SLC24A1: variants seen among roughly 807,000 people sequenced by gnomAD.
SLC24A1 encodes solute carrier family 24 member 1, also known as sodium/potassium/calcium exchanger 1.
Under a neutral mutation model 88.1 loss-of-function variants are expected in SLC24A1, and 52 were observed. The ratio of observed to expected loss-of-function variants is 0.59; its 90% confidence interval spans 0.47 to 0.74. SLC24A1 has a LOEUF of 0.74. Among genes scored for constraint, SLC24A1 ranks in the 30% least tolerant of loss-of-function variants. The pLI is 0.00. For synonymous variants in SLC24A1, 455 were observed against 498.0 expected (o/e 0.91, Z 1.15); for missense variants, 1,173 against 1,363.3 (o/e 0.86, Z 2.20).
chr15:65,631,238 T>A (rs1417024199), intron 2 of SLC24A1, among the ~76,000 whole-genome samples: 2 of 152,194 alleles, frequency 1.3e-5, no homozygotes, highest in African/African-American at 4.8e-5. Flanking sequence ...AAATTAGATA[T>A]TCATGGTGTT....
At chr15:65,640,363 C>T (rs990268249) in intron 4 of SLC24A1, among the ~76,000 whole-genome samples, 4 of 152,126 alleles carry the variant, frequency 2.6e-5, no homozygotes, top group African/African-American at 9.7e-5. Context: ...ATGGTGGCAG[C>T]GGCTGAGATT....
chr15:65,645,831 C>T lies in SLC24A1; in HGVS notation c.2232+128C>T, dbSNP rs1415854724. On this transcript the variant is annotated intron_variant, in intron 6 of 9. Coordinates refer to ENST00000261892, the MANE Select transcript of SLC24A1 (RefSeq NM_004727.3). Reference sequence around the variant, plus strand: ...TCATTCCTCTGGGGGTAAATATTACCCTTTCTCTGAAGATCACTTGAAAAA... The same window carrying T: ...TCATTCCTCTGGGGGTAAATATTACTCTTTCTCTGAAGATCACTTGAAAAA... The T allele has an allele frequency of 9.3e-6, 6 of 642,360 alleles. No individual in the cohort carries two copies. The East Asian group carries it at 1.1e-4, about 12-fold the overall frequency. 39.8% of individuals were successfully genotyped at this position (642,360 alleles called of 1,614,324 possible). A position where few individuals can be genotyped will look rare whatever the true frequency, so the allele number is the denominator to read the frequency against.
intron 3 of SLC24A1, 42 bp downstream of exon 3, chr15:65,638,223 GT>G (rs754301743): frequency 7.4e-7 from 1 of 1,350,780 alleles, no homozygotes; most frequent in South Asian, 1.2e-5. Context: ...ACACTGCAGG[GT>G]CTCAGTGGAT....
At chr15:65,645,942 C>T (rs1358154528) in intron 6 of SLC24A1, among the ~76,000 whole-genome samples, 2 of 152,228 alleles carry the variant, frequency 1.3e-5, no homozygotes, top group African/African-American at 4.8e-5. Context: ...TGAACTGTCA[C>T]ATGCTATAAG....
Position 65,624,079 on chromosome 15 carries a change from G to A in SLC24A1, c.-2G>A. 6.3e-7 allele frequency: 1 copy of A among 1,576,222 alleles called. No individual in the cohort carries two copies. Among genetic ancestry groups the A allele is most frequent in the Non-Finnish European group, 8.6e-7 (1 of 1,163,624 alleles). On this transcript the variant is annotated 5_prime_UTR_variant, in exon 2 of 10. Transcript: ENST00000261892. ...TTCTGTAACCAGATATAACTGGCCA[G>A]CATGGGGAAATTGATCAGGATGGGG...
rs75137628 is a variant in SLC24A1 at position 65,654,707 on chromosome 15, C to CT, written c.*643dup. The stretch of plus-strand genomic sequence containing the variant: ...GCATCTGGATATATACCAGTATTTT[C>CT]TTTTTTTTTTTTTTTGAGACAGAGT... On this transcript the variant is annotated 3_prime_UTR_variant, in exon 10 of 10. Transcript: ENST00000261892. The CT allele has an allele frequency of 0.13, 135,706 of 1,044,170 alleles. 54 individuals carry two copies. The highest frequency in any genetic ancestry group is 0.14 in the Non-Finnish European group (109,917 of 798,370). 64.7% of individuals were successfully genotyped at this position (1,044,170 alleles called of 1,614,324 possible). A position where few individuals can be genotyped will look rare whatever the true frequency, so the allele number is the denominator to read the frequency against.
At chr15:65,651,023 A>G in intron 7 of SLC24A1, 81 bp downstream of exon 7, 2 of 1,172,366 alleles carry the variant, frequency 1.7e-6, no homozygotes, top group Non-Finnish European at 2.5e-6. Context: ...CTCACACTCA[A>G]GAGGAGGAAG....
Position 65,650,564 on chromosome 15 carries a change from CA to C in SLC24A1, c.2417del (p.Asn806MetfsTer16). 6.4e-7 allele frequency: 1 copy of C among 1,551,530 alleles called. No individual in the cohort carries two copies. On this transcript the variant is annotated frameshift_variant, in exon 7 of 10. Transcript: ENST00000261892. LOFTEE classifies it high-confidence loss of function. This position sits in a 1 kb window ranked among gnomAD's most constrained non-coding sequence, Gnocchi z 4.1. Reference sequence around the variant, plus strand: ...AAAATGAAGCAGAAGGAAAAGGAGACAATGAAGGTGAAGATGAGGGTGAAAT... The same window carrying C: ...AAAATGAAGCAGAAGGAAAAGGAGACATGAAGGTGAAGATGAGGGTGAAAT... ...DENEAEGKGD[N>X]EGEDEGEIHA...
chr15:65,612,316 G>A (rs2073984676), intron 1 of SLC24A1: 1 of 152,368 alleles, frequency 6.6e-6, no homozygotes, highest in Admixed American at 6.5e-5. Flanking sequence ...CCTCTAGAAG[G>A]CCTCAGGCAT....
intron 1 of SLC24A1, among the ~76,000 whole-genome samples, 178 bp from the exon 2 acceptor site, chr15:65,623,777 T>G (rs560787321): frequency 6.6e-6 from 1 of 152,156 alleles, no homozygotes; most frequent in South Asian, 2.1e-4. Flanking sequence ...ACTCTTTCTC[T>G]TAAGAGTAGG....
intron 6 of SLC24A1, among the ~76,000 whole-genome samples, chr15:65,649,320 A>T (rs1851874535): frequency 6.6e-6 from 1 of 151,996 alleles, no homozygotes; most frequent in Non-Finnish European, 1.5e-5. Flanking sequence ...GGCTGGTCTC[A>T]AACTCCTGAC....
At chr15:65,656,938 A>G (rs1248870344), downstream of SLC24A1, among the ~76,000 whole-genome samples, 1 of 152,196 alleles carries the variant, frequency 6.6e-6, no homozygotes, top group African/African-American at 2.4e-5. Flanking sequence ...TGACATGAAC[A>G]TGGCTCACTG....
intron 1 of SLC24A1, among the ~76,000 whole-genome samples, chr15:65,623,348 T>C (rs918383767): frequency 6.6e-6 from 1 of 151,646 alleles, no homozygotes; most frequent in African/African-American, 2.4e-5. Context: ...GAACAGGGAG[T>C]CTAGGCTTTC....
At chr15:65,640,506 G>A (rs2075088687) in intron 4 of SLC24A1, among the ~76,000 whole-genome samples, 1 of 152,118 alleles carries the variant, frequency 6.6e-6, no homozygotes, top group African/African-American at 2.4e-5. Context: ...CCATCTCTGG[G>A]GCTCTGGTGC....
chr15:65,642,642 C>T (rs976008288), intron 4 of SLC24A1, among the ~76,000 whole-genome samples: 24 of 152,166 alleles, frequency 1.6e-4, no homozygotes, highest in Non-Finnish European at 1.6e-4. Context: ...TTTGTCTGGA[C>T]GAAGGTGTGT....
intron 2 of SLC24A1, among the ~76,000 whole-genome samples, chr15:65,635,297 T>TG (rs1171481549): frequency 6.6e-6 from 1 of 151,462 alleles, no homozygotes; most frequent in Non-Finnish European, 1.5e-5. Flanking sequence ...CCGGCCAATA[T>TG]GGTGAAACCC....
At chr15:65,613,590 C>T (rs535812062) in intron 2 of SLC24A1, among the ~76,000 whole-genome samples, 15 of 151,830 alleles carry the variant, frequency 9.9e-5, no homozygotes, top group African/African-American at 3.4e-4. Flanking sequence ...TTAAGCAATC[C>T]CCCCCAACCT....
chr15:65,647,766 G>A (rs754092112), intron 6 of SLC24A1, among the ~76,000 whole-genome samples: 2 of 152,178 alleles, frequency 1.3e-5, no homozygotes, highest in Non-Finnish European at 2.9e-5. Flanking sequence ...GGGCAGGAAT[G>A]ATTTCAGACG....
rs771727416 is a variant in SLC24A1 at position 65,653,985 on chromosome 15, T to A, written c.3206T>A (p.Ile1069Asn). 1.4e-5 allele frequency: 22 copies of A among 1,613,890 alleles called. No homozygotes were observed. Among genetic ancestry groups the A allele is most frequent in the Non-Finnish European group, 1.9e-5 (22 of 1,179,878 alleles). The change falls in exon 10 of 10, where the codon ATC becomes AAC. Residue 1069 changes from isoleucine to asparagine, a missense_variant. Ile to Asn is a moderately radical substitution (Grantham distance 149, BLOSUM62 -3). Coordinates refer to ENST00000261892, the MANE Select transcript of SLC24A1 (RefSeq NM_004727.3). ...TCATGTAAATGGAGAATGAACAAGA[T>A]CCTGGGCTTCACAATGTTCCTCCTT... ...IASCKWRMNK[I>N]LGFTMFLLYF...
Sources: gnomAD v4.1 joint callset for allele counts (sites outside exome capture counted in the v4.1 genomes callset) on GRCh38, gnomAD v4.1.1 for gene constraint, Gnocchi (gnomAD v3.1) non-coding constraint, MANE v1.5 for transcripts, NCBI Gene and HGNC (gene_info 2026-07-23, HGNC 2026-07-21) for gene names.